The following DNAI4 variants were observed in gnomAD, a reference collection of about 807,000 sequenced individuals.
DNAI4 encodes the protein WD repeat domain 78.
In DNAI4, 85 loss-of-function variants were observed where a neutral mutation model predicts 105.8. The ratio of observed to expected loss-of-function variants is 0.80; its 90% CI spans 0.67 to 0.96. The LOEUF is 0.96. DNAI4 is among the 40% of genes least tolerant of loss of function. DNAI4 has a pLI of 0.00. For synonymous variants in DNAI4, 352 were observed against 331.5 expected (o/e 1.06, Z -0.67); for missense variants, 1,014 against 1,005.6 (o/e 1.01, Z -0.11).
chr1:66,870,871 T>C (rs116473056), intron 6 of DNAI4: 1,921 of 151,474 alleles, frequency 0.013, 17 homozygotes, highest in Non-Finnish European at 0.022. Flanking sequence ...TTGTACACAG[T>C]GAGAGGTGGT....
chr1:66,819,096 T>C (rs550643493), intron 16 of DNAI4, among the ~76,000 whole-genome samples: 1 of 152,152 alleles, frequency 6.6e-6, no homozygotes, highest in Non-Finnish European at 1.5e-5. Context: ...ATATAAATTA[T>C]TAAATTACTC....
chr1:66,845,225 A>C (rs963426877), intron 8 of DNAI4, among the ~76,000 whole-genome samples: 3 of 127,034 alleles, frequency 2.4e-5, no homozygotes, highest in Non-Finnish European at 3.5e-5. Flanking sequence ...ATTAAAAAAA[A>C]AAAAAAAAAG....
intron 16 of DNAI4, among the ~76,000 whole-genome samples, 197 bp from the exon 17 acceptor site, chr1:66,814,377 CTT>C (rs375603145): frequency 1.3e-5 from 2 of 148,732 alleles, no homozygotes; most frequent in African/African-American, 2.5e-5. Flanking sequence ...ATGAAAGGCT[CTT>C]TTTTTTTTGA....
intron 4 of DNAI4, among the ~76,000 whole-genome samples, chr1:66,878,506 T>C (rs1647003924): frequency 1.3e-5 from 2 of 152,170 alleles, no homozygotes; most frequent in South Asian, 4.1e-4. Flanking sequence ...CTGAGAGTGC[T>C]TGCTGCTTCT....
At chr1:66,823,964 T>C (rs1276462860) in intron 15 of DNAI4, among the ~76,000 whole-genome samples, 10 of 149,534 alleles carry the variant, frequency 6.7e-5, no homozygotes, top group Non-Finnish European at 1.0e-4. Context: ...TTTTGGTGTT[T>C]TAGACATGAA....
chr1:66,881,090 C>T (rs1247902423), intron 4 of DNAI4, among the ~76,000 whole-genome samples: 1 of 152,218 alleles, frequency 6.6e-6, no homozygotes, highest in Non-Finnish European at 1.5e-5. Context: ...GTATGAGAAC[C>T]TCCCCCTAGA....
At chr1:66,905,529 A>T (rs1432020153) in intron 1 of DNAI4, among the ~76,000 whole-genome samples, 154 bp from the exon 2 acceptor site, 1 of 152,230 alleles carries the variant, frequency 6.6e-6, no homozygotes, top group Non-Finnish European at 1.5e-5. Flanking sequence ...ATTATGTATA[A>T]ACATAGTTCT....
At chr1:66,872,038 T>C (rs1055539317) in intron 5 of DNAI4, among the ~76,000 whole-genome samples, 1 of 152,154 alleles carries the variant, frequency 6.6e-6, no homozygotes, top group African/African-American at 2.4e-5. Flanking sequence ...AATTGTTGAG[T>C]GCAGAAGTCT....
chr1:66,835,819 C>A, intron 10 of DNAI4, 42 bp from the exon 11 acceptor site: 3 of 1,579,126 alleles, frequency 1.9e-6, no homozygotes, highest in South Asian at 2.2e-5. Context: ...TTTTTGTAGA[C>A]CACAGTAAGG....
chr1:66,923,292 C>G (rs982772925), intron 1 of DNAI4, among the ~76,000 whole-genome samples: 2 of 152,172 alleles, frequency 1.3e-5, no homozygotes, highest in African/African-American at 2.4e-5. Flanking sequence ...GTACAGTCTA[C>G]TATACAATTG....
At chr1:66,847,738 A>G (rs769356421) in intron 7 of DNAI4, 60 bp from the exon 8 acceptor site, 12 of 1,282,476 alleles carry the variant, frequency 9.4e-6, no homozygotes, top group African/African-American at 1.5e-5. Flanking sequence ...CATACATTCT[A>G]AAGATTTTAA....
chr1:66,909,454 T>G (rs1465978017), intron 1 of DNAI4, among the ~76,000 whole-genome samples: 1 of 152,022 alleles, frequency 6.6e-6, no homozygotes, highest in Non-Finnish European at 1.5e-5. Context: ...CTTTCTTATC[T>G]GCAGCATTTG....
At chr1:66,889,546 G>A (rs1647418601) in intron 4 of DNAI4, among the ~76,000 whole-genome samples, 1 of 152,044 alleles carries the variant, frequency 6.6e-6, no homozygotes, top group Non-Finnish European at 1.5e-5. Context: ...TTGTTAGTTG[G>A]GTATTCTGTT....
At chr1:66,913,436 CAT>C (rs985936578) in intron 1 of DNAI4, among the ~76,000 whole-genome samples, 1 of 152,126 alleles carries the variant, frequency 6.6e-6, no homozygotes, top group Non-Finnish European at 1.5e-5. Flanking sequence ...CTGTTGTTTT[CAT>C]ATGTTAATGA....
At chr1:66,895,610 C>A (rs1254834504) in intron 2 of DNAI4, among the ~76,000 whole-genome samples, 1 of 152,084 alleles carries the variant, frequency 6.6e-6, no homozygotes, top group Non-Finnish European at 1.5e-5. Context: ...CCAATTTGAA[C>A]TGATTTATGT....
intron 10 of DNAI4, among the ~76,000 whole-genome samples, chr1:66,836,306 AAGAAAGAAAG>A (rs1402815488): frequency 6.7e-6 from 1 of 149,602 alleles, no homozygotes; most frequent in Non-Finnish European, 1.5e-5. Context: ...GAAAGAAAGA[AAGAAAGAAAG>A]AAAGAAAGAA....
At chr1:66,901,057 A>G (rs1648778694) in intron 2 of DNAI4, among the ~76,000 whole-genome samples, 1 of 152,032 alleles carries the variant, frequency 6.6e-6, no homozygotes, top group Non-Finnish European at 1.5e-5. Context: ...TTCTATTCCT[A>G]GTTTGTTGCG....
chr1:66,895,316 C>CA (rs1439360713), intron 2 of DNAI4, among the ~76,000 whole-genome samples: 2 of 151,994 alleles, frequency 1.3e-5, no homozygotes, highest in African/African-American at 4.8e-5. Context: ...TCGTCTTTAC[C>CA]AAAAATTTGA....
chr1:66,871,556 A>G, intron 5 of DNAI4, 47 bp from the exon 6 acceptor site: 1 of 1,474,676 alleles, frequency 6.8e-7, no homozygotes. Context: ...AATCATCACC[A>G]CACGTATTAT....
Sources: gnomAD v4.1 joint callset for allele counts (sites outside exome capture counted in the v4.1 genomes callset) on GRCh38, gnomAD v4.1.1 for gene constraint, MANE v1.5 for transcripts, NCBI Gene and HGNC (gene_info 2026-07-23, HGNC 2026-07-21) for gene names.